Variants in LDLRAP1 observed in about 807,000 individuals in gnomAD.
LDLRAP1 encodes low density lipoprotein receptor adapter protein 1.
Under a neutral mutation model 37.8 loss-of-function variants are expected in LDLRAP1, and 30 were observed. The observed-to-expected ratio is 0.79, with a 90% CI of 0.59 to 1.08. The LOEUF (loss-of-function observed/expected upper bound fraction) is 1.08. LDLRAP1 is among the 50% of genes least tolerant of loss of function. LDLRAP1 has a pLI of 0.00. For missense variants in LDLRAP1, 375 were observed against 401.6 expected (o/e 0.93, Z 0.57); for synonymous variants, 156 against 169.8 (o/e 0.92, Z 0.63).
At chr1:25,574,355 C>T in the LDLRAP1 span, among the ~76,000 whole-genome samples, 1 of 152,226 alleles carries the variant, frequency 6.6e-6, no homozygotes, top group Non-Finnish European at 1.5e-5. Context: ...AATGCAGAGA[C>T]TGAGGCTCTA....
At chr1:25,576,769 C>T in the LDLRAP1 span, among the ~76,000 whole-genome samples, 1 of 152,268 alleles carries the variant, frequency 6.6e-6, no homozygotes, top group Non-Finnish European at 1.5e-5. Context: ...TCTCCCACCC[C>T]ATCCGGCCTG....
chr1:25,583,345 A>G, the LDLRAP1 span, among the ~76,000 whole-genome samples: 3 of 151,700 alleles, frequency 2.0e-5, no homozygotes, highest in Non-Finnish European at 2.9e-5. Flanking sequence ...GCCTGCCACC[A>G]TGCCTGGCTA....
At chr1:25,571,282 T>C (rs943413843), downstream of LDLRAP1, among the ~76,000 whole-genome samples, 2 of 152,230 alleles carry the variant, frequency 1.3e-5, no homozygotes, top group Admixed American at 1.3e-4. Flanking sequence ...GTGGCTGCCC[T>C]TTGGGGCCAC....
intron 4 of LDLRAP1, chr1:25,557,577 A>G (rs572702091): frequency 6.6e-6 from 3 of 452,494 alleles, no homozygotes; most frequent in Non-Finnish European, 1.2e-5. Context: ...TCCTGTCTTT[A>G]ATATGGTCTA....
rs550424414 is a variant in LDLRAP1, at chr1:25,550,329, A to G, written c.89-3593A>G. Among the ~76,000 whole-genome samples, 282 of 152,358 alleles carry G rather than the reference A, an allele frequency of 1.9e-3. 1 individual carries two copies. Among genetic ancestry groups the G allele is most frequent in the Non-Finnish European group, 2.7e-3 (182 of 68,036 alleles). On this transcript the variant is annotated intron_variant, in intron 1 of 8. Transcript: ENST00000374338. ...TGAGCTCACTCAAGATGACTCAGAC[A>G]TGAAGCATTGGAGCTGATATCTTAG...
the LDLRAP1 span, chr1:25,581,748 A>G: frequency 6.6e-6 from 1 of 152,338 alleles, no homozygotes; most frequent in Non-Finnish European, 1.5e-5. Context: ...GCTGACCTGG[A>G]CCGCATCCCG....
At chr1:25,572,971 G>A (rs2124712135), downstream of LDLRAP1, among the ~76,000 whole-genome samples, 1 of 152,336 alleles carries the variant, frequency 6.6e-6, no homozygotes, top group African/African-American at 2.4e-5. Context: ...CAGCCGTCAG[G>A]ACTGGCTTTC....
At chr1:25,574,136 G>T in the LDLRAP1 span, among the ~76,000 whole-genome samples, 1 of 152,218 alleles carries the variant, frequency 6.6e-6, no homozygotes, top group Non-Finnish European at 1.5e-5. Context: ...AGAGGGCAAA[G>T]AGCAAGCGCA....
chr1:25,582,453 CA>C, the LDLRAP1 span, among the ~76,000 whole-genome samples: 1 of 151,566 alleles, frequency 6.6e-6, no homozygotes, highest in Non-Finnish European at 1.5e-5. Context: ...GGCATGGTGG[CA>C]TGCACCTGTA....
intron 5 of LDLRAP1, 100 bp from the exon 6 acceptor site, chr1:25,562,970 C>T (rs2044379272): frequency 1.8e-6 from 2 of 1,142,048 alleles, no homozygotes; most frequent in East Asian, 2.3e-5. Context: ...CCTGAAACTG[C>T]CCCTTGAGGT....
the LDLRAP1 span, among the ~76,000 whole-genome samples, chr1:25,574,842 G>C: frequency 6.6e-6 from 1 of 152,164 alleles, no homozygotes; most frequent in African/African-American, 2.4e-5. Flanking sequence ...TGCGTCTGTG[G>C]GTTCCTGCTT....
intron 8 of LDLRAP1, 30 bp downstream of exon 8, chr1:25,565,237 G>A (rs2044447038): frequency 6.2e-6 from 10 of 1,613,696 alleles, no homozygotes; most frequent in Non-Finnish European, 7.6e-6. Context: ...CTGGGTAGGG[G>A]GCCTGGTGTG....
chr1:25,560,244 C>G (rs1241697492), intron 4 of LDLRAP1, among the ~76,000 whole-genome samples: 2 of 152,238 alleles, frequency 1.3e-5, no homozygotes, highest in South Asian at 2.1e-4. Flanking sequence ...GGCCTTGAAT[C>G]GGGATGTTGA....
intron 6 of LDLRAP1, 145 bp from the exon 7 acceptor site, chr1:25,563,516 G>A (rs2044397199): frequency 9.6e-7 from 1 of 1,046,270 alleles, no homozygotes; most frequent in African/African-American, 1.6e-5. Flanking sequence ...CGCATCTGCT[G>A]TGGGGAGGTG....
At chr1:25,588,505 A>G in the LDLRAP1 span, among the ~76,000 whole-genome samples, 1 of 152,180 alleles carries the variant, frequency 6.6e-6, no homozygotes, top group Non-Finnish European at 1.5e-5. Context: ...ATGCATATCT[A>G]AAGCACAGCA....
chr1:25,557,478 T>G, intron 4 of LDLRAP1: 1 of 596,318 alleles, frequency 1.7e-6, no homozygotes, highest in Non-Finnish European at 3.0e-6. Flanking sequence ...GTCAGCTTTG[T>G]GTGGGCAGTA....
rs574864256 is a variant in LDLRAP1, at chr1:25,557,274, G to A, written c.459+7G>A. ...CTGCACCAAGCGGAAGATGGTCAGC[G>A]GGGAGGGCTGGGGCGGGGACAGGGT... On this transcript the variant is annotated splice_region_variant and intron_variant, in intron 4 of 8. Coordinates refer to ENST00000374338, the MANE Select transcript of LDLRAP1 (RefSeq NM_015627.3). 6.2e-6 allele frequency: 10 copies of A among 1,605,258 alleles called. No individual in the cohort carries two copies. Among genetic ancestry groups the A allele is most frequent in the East Asian group, 4.5e-5 (2 of 44,866 alleles).
At chr1:25,580,157 C>T in the LDLRAP1 span, among the ~76,000 whole-genome samples, 1 of 152,148 alleles carries the variant, frequency 6.6e-6, no homozygotes, top group Non-Finnish European at 1.5e-5. Context: ...GTCTGTTCTC[C>T]GCAGATTCAG....
chr1:25,562,612 C>T (rs1205746871), intron 4 of LDLRAP1, 32 bp from the exon 5 acceptor site: 3 of 1,597,622 alleles, frequency 1.9e-6, no homozygotes, highest in Non-Finnish European at 1.7e-6. Flanking sequence ...GCTGACACTG[C>T]ACCCCTCCCC....
Sources: gnomAD v4.1 joint callset for allele counts (sites outside exome capture counted in the v4.1 genomes callset) on GRCh38, gnomAD v4.1.1 for gene constraint, MANE v1.5 for transcripts, NCBI Gene and HGNC (gene_info 2026-07-23, HGNC 2026-07-21) for gene names.